Variants in GSN observed in about 807,000 individuals in gnomAD.
GSN encodes gelsolin, also known as actin-depolymerizing factor.
GSN carries 56 observed loss-of-function variants against 85.7 expected under a neutral mutation model. That is an observed-to-expected ratio of 0.65 (90% CI 0.53 to 0.82). The LOEUF (loss-of-function observed/expected upper bound fraction) is 0.82. Among genes scored for constraint, GSN ranks in the 40% least tolerant of loss-of-function variants. The pLI is 0.00. For missense variants in GSN, 857 were observed against 979.8 expected (o/e 0.87, Z 1.67); for synonymous variants, 373 against 399.1 (o/e 0.93, Z 0.78).
intron 4 of GSN, among the ~76,000 whole-genome samples, chr9:121,211,949 G>C (rs148083133): frequency 1.2e-4 from 19 of 152,272 alleles, no homozygotes; most frequent in African/African-American, 4.6e-4. Flanking sequence ...TTGCTTACTG[G>C]TGAAGCTGTG....
intron 1 of GSN, among the ~76,000 whole-genome samples, chr9:121,268,466 C>T (rs1364295332): frequency 6.6e-6 from 1 of 152,134 alleles, no homozygotes; most frequent in Admixed American, 6.5e-5. Context: ...GCCTCCACCC[C>T]GTGATTCCAC....
intron 10 of GSN, among the ~76,000 whole-genome samples, 185 bp downstream of exon 10, chr9:121,319,065 T>C (rs369731435): frequency 5.9e-5 from 9 of 152,240 alleles, no homozygotes; most frequent in African/African-American, 1.9e-4. Flanking sequence ...CCAAGTGTCT[T>C]GGCCCCACCT....
intron 2 of GSN, among the ~76,000 whole-genome samples, chr9:121,298,604 C>A (rs1477267803): frequency 6.6e-6 from 1 of 152,182 alleles, no homozygotes; most frequent in Non-Finnish European, 1.5e-5. Context: ...ATTTAATTCT[C>A]AACTACTGTA....
chr9:121,307,499 G>T (rs2133345604), intron 4 of GSN, among the ~76,000 whole-genome samples: 1 of 152,310 alleles, frequency 6.6e-6, no homozygotes, highest in East Asian at 1.9e-4. Flanking sequence ...GTTGAATGAA[G>T]CTGGGTCCCT....
At chr9:121,320,671 AAAAG>A (rs964676717) in intron 10 of GSN, among the ~76,000 whole-genome samples, 2 of 152,012 alleles carry the variant, frequency 1.3e-5, no homozygotes, top group Admixed American at 6.6e-5. Context: ...AAAAAAGAAA[AAAAG>A]AAAGAATCCA....
At chr9:121,305,875 G>A (rs1588996497) in intron 4 of GSN, among the ~76,000 whole-genome samples, 1 of 152,326 alleles carries the variant, frequency 6.6e-6, no homozygotes, top group South Asian at 2.1e-4. Flanking sequence ...TATAGATCCC[G>A]GAGGAGCAGG....
intron 7 of GSN, among the ~76,000 whole-genome samples, 163 bp from the exon 8 acceptor site, chr9:121,316,923 C>A (rs2061777485): frequency 6.6e-6 from 1 of 151,844 alleles, no homozygotes; most frequent in African/African-American, 2.4e-5. Context: ...GTGGTTCTGA[C>A]AAAGCAGAAA....
chr9:121,250,872 G>GGGGT (rs1442699606), intron 6 of GSN, among the ~76,000 whole-genome samples: 7 of 135,018 alleles, frequency 5.2e-5, no homozygotes, highest in African/African-American at 1.7e-4. Flanking sequence ...GCCTGCTTGG[G>GGGGT]GTGTGTGTGT....
intron 5 of GSN, among the ~76,000 whole-genome samples, chr9:121,244,668 G>A (rs2054665480): frequency 6.6e-6 from 1 of 152,152 alleles, no homozygotes; most frequent in African/African-American, 2.4e-5. Context: ...GCAAGAAAAT[G>A]GAAACTCAAA....
intron 7 of GSN, among the ~76,000 whole-genome samples, chr9:121,316,065 A>G (rs1246554377): frequency 6.6e-6 from 1 of 152,264 alleles, no homozygotes; most frequent in Admixed American, 6.5e-5. Flanking sequence ...CTCACAGTCA[A>G]CTGTACTCTG....
chr9:121,243,917 A>G (rs572096809), intron 5 of GSN, among the ~76,000 whole-genome samples: 1 of 152,326 alleles, frequency 6.6e-6, no homozygotes, highest in South Asian at 2.1e-4. Flanking sequence ...TGACCAGCAC[A>G]TATAGTTGTG....
At chr9:121,287,782 C>G (rs1214813088) in intron 2 of GSN, among the ~76,000 whole-genome samples, 2 of 151,634 alleles carry the variant, frequency 1.3e-5, no homozygotes, top group Non-Finnish European at 2.9e-5. Flanking sequence ...ATAATTCACT[C>G]AATTCAATAA....
chr9:121,307,826 G>C (rs543773197), intron 4 of GSN, among the ~76,000 whole-genome samples: 20 of 151,908 alleles, frequency 1.3e-4, no homozygotes, highest in African/African-American at 4.6e-4. Flanking sequence ...TGGTTACATC[G>C]GTCTCAGAAC....
intron 5 of GSN, chr9:121,238,588 A>ATCTCGGTGGTCGCCGT: frequency 4.5e-6 from 1 of 222,420 alleles, no homozygotes; most frequent in Non-Finnish European, 8.9e-6. Flanking sequence ...TGAGCGTGTG[A>ATCTCGGTGGTCGCCGT]ATCAATACTC....
chr9:121,238,782 A>G (rs139506246), intron 5 of GSN: 13 of 514,516 alleles, frequency 2.5e-5, no homozygotes, highest in African/African-American at 2.3e-4. Flanking sequence ...GTTCCTCTCA[A>G]ACTTCTGCAG....
intron 4 of GSN, among the ~76,000 whole-genome samples, chr9:121,217,799 T>TA (rs1401308170): frequency 3.4e-5 from 1 of 29,420 alleles, no homozygotes; most frequent in African/African-American, 2.1e-4. Context: ...TATAGAAATG[T>TA]ATTATTATTA....
rs1044384022 is a variant in GSN at position 121,212,234 on chromosome 9, C to T, written c.-528+1367C>T. Among the ~76,000 whole-genome samples the T allele has an allele frequency of 1.4e-4, 21 of 152,322 alleles. 1 individual carries two copies. Among genetic ancestry groups the T allele is most frequent in the African/African-American group, 4.6e-4 (19 of 41,572 alleles). ...CAGAGCTCACACTGGAAACCAGACT[C>T]TCTAATCCTTATCAGTTGTTTCTCC... On this transcript the variant is annotated intron_variant, in intron 4 of 24. Coordinates refer to the GSN transcript ENST00000373823.
intron 5 of GSN, among the ~76,000 whole-genome samples, chr9:121,234,660 C>T (rs777404826): frequency 1.3e-5 from 2 of 152,034 alleles, no homozygotes; most frequent in African/African-American, 4.8e-5. Context: ...GGTGGAGGCA[C>T]GAAGGGCAGG....
At chr9:121,202,383 A>G in the GSN span, among the ~76,000 whole-genome samples, 1 of 152,212 alleles carries the variant, frequency 6.6e-6, no homozygotes, top group Non-Finnish European at 1.5e-5. Flanking sequence ...CGTCGGAGGC[A>G]CGCATCCCCA....
Sources: gnomAD v4.1 joint callset for allele counts (sites outside exome capture counted in the v4.1 genomes callset) on GRCh38, gnomAD v4.1.1 for gene constraint, MANE v1.5 for transcripts, NCBI Gene and HGNC (gene_info 2026-07-23, HGNC 2026-07-21) for gene names.